The following BFAR variants were observed in gnomAD, a reference collection of about 807,000 sequenced individuals.
BFAR encodes the protein RING finger protein 47.
In BFAR, 52 loss-of-function variants were observed where a neutral mutation model predicts 54.4. The observed-to-expected ratio is 0.96, with a 90% CI of 0.77 to 1.21. BFAR has a LOEUF of 1.21. Ranked by LOEUF, BFAR falls within the 50% of genes most tolerant of loss-of-function variation. The probability of loss-of-function intolerance (pLI) is 0.00; values close to 1 mark genes in which losing one functional copy is unlikely to be tolerated. For synonymous variants in BFAR, 215 were observed against 204.3 expected, an observed-to-expected ratio of 1.05 and a Z score of -0.45; for missense variants, 571 against 534.0, an observed-to-expected ratio of 1.07 and a Z score of -0.68.
rs780812860 is a variant in BFAR, at chr16:14,667,573, C to G, written c.1161-62C>G. 35 of 1,486,974 alleles carry G rather than the reference C, an allele frequency of 2.4e-5. 2 individuals carry two copies. The South Asian group carries it at 3.9e-4, about 17-fold the overall frequency. 92.1% of individuals were successfully genotyped at this position (1,486,974 alleles called of 1,614,324 possible). On this transcript the variant is annotated intron_variant, in intron 7 of 7. Transcript: ENST00000261658. Reference sequence around the variant, plus strand: ...CAGCACCCAGAAAAGGCCCAGGGCCCGGACTCCTGGGTGTGGTCATGAGAA... The same window carrying G: ...CAGCACCCAGAAAAGGCCCAGGGCCGGGACTCCTGGGTGTGGTCATGAGAA...
At chr16:14,647,246 G>A (rs189763281) in intron 2 of BFAR, among the ~76,000 whole-genome samples, 12 of 151,708 alleles carry the variant, frequency 7.9e-5, no homozygotes, top group African/African-American at 2.9e-4. Flanking sequence ...CACCACACCC[G>A]GTTGATTTTT....
intron 4 of BFAR, 93 bp from the exon 5 acceptor site, chr16:14,654,973 A>G (rs1960080413): frequency 7.7e-7 from 1 of 1,296,986 alleles, no homozygotes; most frequent in Non-Finnish European, 1.0e-6. Context: ...CCTCAAGCCT[A>G]CAATATTTAT....
chr16:14,640,161 AAAAAG>A (rs1959576673), intron 1 of BFAR, among the ~76,000 whole-genome samples: 1 of 152,072 alleles, frequency 6.6e-6, no homozygotes. Flanking sequence ...CAAAAAAAAA[AAAAAG>A]AAGAAGAGAG....
At chr16:14,663,802 A>G (rs1298817898) in intron 6 of BFAR, among the ~76,000 whole-genome samples, 1 of 152,024 alleles carries the variant, frequency 6.6e-6, no homozygotes, top group Non-Finnish European at 1.5e-5. Flanking sequence ...GGTTCAAGCT[A>G]CCATTTGGGT....
intron 4 of BFAR, 40 bp downstream of exon 4, chr16:14,650,013 G>A: frequency 1.3e-6 from 2 of 1,557,188 alleles, no homozygotes; most frequent in Non-Finnish European, 1.7e-6. Flanking sequence ...GGACATTTTA[G>A]AAAACAGCTT....
intron 1 of BFAR, among the ~76,000 whole-genome samples, chr16:14,639,287 AGCAC>A (rs1393494800): frequency 6.6e-6 from 1 of 151,530 alleles, no homozygotes; most frequent in Admixed American, 6.6e-5. Flanking sequence ...CGTTCATCCC[AGCAC>A]CCCAGAACTA....
At position 14,664,894 on chromosome 16, in the gene BFAR, A is replaced by G; in HGVS notation, c.983A>G (p.Gln328Arg). ...GATCTTAAGGAGCCTACGTGGAAGC[A>G]GTGGAGAGAGTTCCTGGTCAAATAC... ...LLDLKEPTWK[Q>R]WREFLVKYSF... Residue 328 changes from glutamine (Q) to arginine (R), a missense_variant, in exon 7 of 8, where the codon CAG (glutamine) becomes CGG (arginine). By Grantham distance (43) the Gln-to-Arg change is conservative. Coordinates refer to ENST00000261658, the MANE Select transcript of BFAR (RefSeq NM_016561.3). 6.2e-7 allele frequency: 1 copy of G among 1,614,016 alleles called. No individual in the cohort carries two copies. Among genetic ancestry groups the G allele is most frequent in the Middle Eastern group, 1.7e-4 (1 of 6,060 alleles).
intron 4 of BFAR, chr16:14,650,637 A>C (rs767741200): frequency 4.6e-5 from 7 of 152,148 alleles, no homozygotes; most frequent in Non-Finnish European, 8.8e-5. Context: ...AATCTTTTTC[A>C]AGGTTTACCC....
At chr16:14,664,563 G>A (rs150313929) in intron 6 of BFAR, among the ~76,000 whole-genome samples, 1 of 152,004 alleles carries the variant, frequency 6.6e-6, no homozygotes, top group African/African-American at 2.4e-5. Context: ...GCAGTGGTGC[G>A]ATCTCAACTC....
chr16:14,648,334 A>C, intron 2 of BFAR, 54 bp from the exon 3 acceptor site: 1 of 1,463,068 alleles, frequency 6.8e-7, no homozygotes, highest in Non-Finnish European at 9.5e-7. Flanking sequence ...TTGGCCTCTA[A>C]ACATGATATT....
At chr16:14,647,458 G>T (rs1034406720) in intron 2 of BFAR, among the ~76,000 whole-genome samples, 4 of 152,026 alleles carry the variant, frequency 2.6e-5, no homozygotes, top group Non-Finnish European at 5.9e-5. Context: ...TACCTTGGGA[G>T]GACCGAGGCA....
intron 3 of BFAR, among the ~76,000 whole-genome samples, chr16:14,648,833 A>G (rs928922770): frequency 6.6e-6 from 1 of 152,016 alleles, no homozygotes; most frequent in Non-Finnish European, 1.5e-5. Context: ...ATTCAAGACC[A>G]TGTCTGCCTT....
chr16:14,652,643 T>A (rs1960005436), intron 4 of BFAR, among the ~76,000 whole-genome samples: 1 of 152,218 alleles, frequency 6.6e-6, no homozygotes, highest in South Asian at 2.1e-4. Context: ...CATACTCTTG[T>A]AATCCTACTC....
intron 7 of BFAR, among the ~76,000 whole-genome samples, chr16:14,666,348 A>C (rs1960439720): frequency 6.6e-6 from 1 of 152,198 alleles, no homozygotes; most frequent in Non-Finnish European, 1.5e-5. Context: ...AGGCAGGTGG[A>C]TCACCTGAGG....
At chr16:14,645,052 G>A (rs920896843) in intron 2 of BFAR, among the ~76,000 whole-genome samples, 3 of 152,178 alleles carry the variant, frequency 2.0e-5, no homozygotes, top group East Asian at 3.8e-4. Context: ...AGTGGCTCAC[G>A]CCTGTAATCC....
intron 4 of BFAR, among the ~76,000 whole-genome samples, chr16:14,651,333 C>CAAA (rs1383912766): frequency 6.6e-6 from 1 of 152,106 alleles, no homozygotes; most frequent in East Asian, 1.9e-4. Flanking sequence ...AAGGATATTG[C>CAAA]AAAAGATACA....
rs1960528013 is a variant in BFAR at position 14,669,173 on chromosome 16, G to A, written c.*1346G>A. ...TGAGTGAAAATTTTACTCAAAAGTT[G>A]CATCTGGAAGTTCGAAGAAATTACT... On this transcript the variant is annotated 3_prime_UTR_variant, in exon 8 of 8. Coordinates refer to ENST00000261658, the MANE Select transcript of BFAR (RefSeq NM_016561.3). 3 of 340,580 alleles carry A rather than the reference G, an allele frequency of 8.8e-6. No individual in the cohort carries two copies. Among genetic ancestry groups the A allele is most frequent in the South Asian group, 2.1e-5 (1 of 46,584 alleles). 21.1% of individuals were successfully genotyped at this position (340,580 alleles called of 1,614,324 possible). A position where few individuals can be genotyped will look rare whatever the true frequency, so the allele number is the denominator to read the frequency against.
intron 2 of BFAR, among the ~76,000 whole-genome samples, chr16:14,645,868 T>G (rs1198248741): frequency 6.6e-6 from 1 of 152,008 alleles, no homozygotes; most frequent in African/African-American, 2.4e-5. Context: ...CATACATACA[T>G]TCATTGTTTA....
At chr16:14,662,972 G>A (rs1423123092) in intron 6 of BFAR, among the ~76,000 whole-genome samples, 1 of 152,096 alleles carries the variant, frequency 6.6e-6, no homozygotes, top group Non-Finnish European at 1.5e-5. Context: ...ATACGTGACT[G>A]GGGGCTGCAT....
Sources: allele counts gnomAD v4.1 joint callset (sites outside exome capture counted in the v4.1 genomes callset), GRCh38; gene constraint gnomAD v4.1.1; transcripts MANE v1.5; gene names NCBI Gene and HGNC (gene_info 2026-07-23, HGNC 2026-07-21).